The following MRPS9 variants were observed in gnomAD, a reference collection of about 807,000 sequenced individuals.
MRPS9 encodes small ribosomal subunit protein uS9m.
A neutral mutation model predicts 59.9 loss-of-function variants in MRPS9; 45 were observed. The observed-to-expected ratio is 0.75, with a 90% CI of 0.59 to 0.96. The LOEUF is 0.96. Ranked by LOEUF, MRPS9 falls within the 40% of genes least tolerant of loss-of-function variation. The pLI is 0.00. For missense variants in MRPS9, 473 were observed against 481.1 expected (o/e 0.98, Z 0.16); for synonymous variants, 171 against 166.8 (o/e 1.03, Z -0.19).
intron 9 of MRPS9, among the ~76,000 whole-genome samples, chr2:105,095,068 G>C (rs1051857833): frequency 6.6e-6 from 1 of 152,200 alleles, no homozygotes; most frequent in African/African-American, 2.4e-5. Flanking sequence ...CCTAGTCTTG[G>C]TGGGAATGGG....
intron 5 of MRPS9, among the ~76,000 whole-genome samples, chr2:105,088,459 TAAA>T (rs1477669662): frequency 6.6e-6 from 1 of 152,024 alleles, no homozygotes. Flanking sequence ...GGAAATCAAA[TAAA>T]AAATATAATA....
chr2:105,063,689 A>G (rs1287169916), intron 2 of MRPS9, among the ~76,000 whole-genome samples: 1 of 152,262 alleles, frequency 6.6e-6, no homozygotes, highest in Non-Finnish European at 1.5e-5. Context: ...TATCACATCT[A>G]AGAAAATTAA....
intron 2 of MRPS9, among the ~76,000 whole-genome samples, chr2:105,070,210 T>A (rs1463281990): frequency 6.6e-6 from 1 of 152,122 alleles, no homozygotes; most frequent in African/African-American, 2.4e-5. Flanking sequence ...CCTGGCCTCA[T>A]CCTCCCACAT....
chr2:105,081,873 C>T (rs1357999642), intron 5 of MRPS9, among the ~76,000 whole-genome samples: 4 of 152,144 alleles, frequency 2.6e-5, no homozygotes, highest in Non-Finnish European at 4.4e-5. Flanking sequence ...TTATGTATAG[C>T]AGGTGTCATT....
At chr2:105,098,959 G>A (rs1031476893) in intron 10 of MRPS9, among the ~76,000 whole-genome samples, 5 of 152,184 alleles carry the variant, frequency 3.3e-5, no homozygotes, top group African/African-American at 1.2e-4. Context: ...ATAGCTAAGA[G>A]TAACCCCAGC....
At chr2:105,048,364 A>T (rs1334947480) in intron 1 of MRPS9, among the ~76,000 whole-genome samples, 2 of 151,210 alleles carry the variant, frequency 1.3e-5, no homozygotes, top group African/African-American at 4.9e-5. Context: ...GGATGGGGGG[A>T]GGGGAGAGGG....
intron 5 of MRPS9, among the ~76,000 whole-genome samples, chr2:105,086,728 T>G (rs1329891589): frequency 6.6e-6 from 1 of 152,156 alleles, no homozygotes; most frequent in Non-Finnish European, 1.5e-5. Flanking sequence ...TGAGAGCTGT[T>G]TTTTAATTGT....
intron 4 of MRPS9, among the ~76,000 whole-genome samples, chr2:105,072,076 T>C (rs2104455048): frequency 6.6e-6 from 1 of 152,320 alleles, no homozygotes; most frequent in African/African-American, 2.4e-5. Flanking sequence ...ATATTTACTA[T>C]ACATTAGAAA....
At chr2:105,068,916 C>A (rs545106953) in intron 2 of MRPS9, among the ~76,000 whole-genome samples, 6 of 152,098 alleles carry the variant, frequency 3.9e-5, no homozygotes, top group Non-Finnish European at 8.8e-5. Flanking sequence ...TGCTTATGTT[C>A]TTTTGTATTC....
Position 105,099,907 on chromosome 2 carries a change from C to T in MRPS9, c.*146C>T. On this transcript the variant is annotated 3_prime_UTR_variant, in exon 11 of 11. Transcript: ENST00000258455. ...GAGATGGATTTATTTTTAAATGCTA[C>T]TTTGTAAAGGTGACCTTTAAAAAAT... is the stretch of plus-strand genomic sequence containing the variant. 1.8e-6 allele frequency: 1 copy of T among 559,196 alleles called. No homozygotes were observed. Among genetic ancestry groups the T allele is most frequent in the Admixed American group, 3.3e-5 (1 of 30,492 alleles). The allele number at this position is 559,196 out of a possible 1,614,324, so 34.6% of individuals were successfully genotyped here.
intron 4 of MRPS9, among the ~76,000 whole-genome samples, chr2:105,074,911 C>T (rs772101018): frequency 6.6e-6 from 1 of 152,062 alleles, no homozygotes; most frequent in Non-Finnish European, 1.5e-5. Context: ...ATGATTCAAG[C>T]TCATTACATT....
At chr2:105,092,332 C>CA (rs2104469084) in intron 7 of MRPS9, 69 bp from the exon 8 acceptor site, 1 of 1,419,762 alleles carries the variant, frequency 7.0e-7, no homozygotes, top group East Asian at 2.4e-5. Context: ...ATCAAGTATG[C>CA]AAAAAATAGA....
At position 105,071,313 on chromosome 2, in the gene MRPS9, AG is replaced by A; in HGVS notation, c.317del (p.Arg106LysfsTer19). On this transcript the variant is annotated frameshift_variant and splice_region_variant, in exon 3 of 11. Coordinates refer to ENST00000258455, the MANE Select transcript of MRPS9 (RefSeq NM_182640.3). LOFTEE classifies it high-confidence loss of function. ...AACTAACCTTTGTGTATATTTTCAG[AG>A]AGCTATTGCTTACCTTTTCCCAAGT... ...PETFTQEDID[R>X]AIAYLFPSGL... The A allele has an allele frequency of 6.2e-7, 1 of 1,608,998 alleles. No individual in the cohort carries two copies. The highest frequency in any genetic ancestry group is 1.1e-5 in the South Asian group (1 of 90,106).
Position 105,099,871 on chromosome 2 carries a change from C to A in MRPS9, c.*110C>A. On this transcript the variant is annotated 3_prime_UTR_variant, in exon 11 of 11. Transcript: ENST00000258455. ...ATGAGGGCAGTACTGTCAGAAATTT[C>A]TTTGAGCTGTGAGATGGATTTATTT... 1.3e-6 allele frequency: 1 copy of A among 787,962 alleles called. No homozygotes were observed. Among genetic ancestry groups the A allele is most frequent in the South Asian group, 2.5e-5 (1 of 40,628 alleles). 48.8% of individuals were successfully genotyped at this position (787,962 alleles called of 1,614,324 possible).
At chr2:105,055,712 C>T (rs1679780196) in intron 2 of MRPS9, among the ~76,000 whole-genome samples, 1 of 152,130 alleles carries the variant, frequency 6.6e-6, no homozygotes, top group Admixed American at 6.6e-5. Context: ...AAATTATATA[C>T]TCATATGGTT....
chr2:105,071,335 C>A lies in MRPS9; in HGVS notation c.338C>A (p.Pro113Gln). The change falls in exon 3 of 11, where the codon CCA (proline) becomes CAA (glutamine). Residue 113 changes from proline (P) to glutamine (Q), a missense_variant. By Grantham distance (76) the Pro-to-Gln change is moderately conservative (BLOSUM62 -1). Transcript: ENST00000258455. ...DIDRAIAYLF[P>Q]SGLFEKRARP... ...CAGAGAGCTATTGCTTACCTTTTCCCAAGTGGTTTGTTTGAGAAACGAGCC... is the reference window on the plus strand; with the variant it reads ...CAGAGAGCTATTGCTTACCTTTTCCAAAGTGGTTTGTTTGAGAAACGAGCC... 1 of 1,609,936 alleles carries A rather than the reference C, an allele frequency of 6.2e-7. No homozygotes were observed. Among genetic ancestry groups the A allele is most frequent in the Non-Finnish European group, 8.5e-7 (1 of 1,178,854 alleles).
intron 4 of MRPS9, among the ~76,000 whole-genome samples, chr2:105,074,408 AAAT>A (rs1015629908): frequency 2.0e-5 from 3 of 152,246 alleles, no homozygotes; most frequent in Admixed American, 6.5e-5. Flanking sequence ...TAAGAATTGT[AAAT>A]AATAATATTC....
Position 105,055,990 on chromosome 2 carries a change from A to G in MRPS9, c.315+6640A>G, listed in dbSNP as rs1346582384. ...AGACTAGGTGCAGTAGCTTTTCTCTAATTATTTAGTTTGATCAGGAAGTTA... is the reference window on the plus strand; with the variant it reads ...AGACTAGGTGCAGTAGCTTTTCTCTGATTATTTAGTTTGATCAGGAAGTTA... On this transcript the variant is annotated intron_variant, in intron 2 of 10. Coordinates refer to ENST00000258455, the MANE Select transcript of MRPS9 (RefSeq NM_182640.3). 3.3e-5 allele frequency among the ~76,000 whole-genome samples: 5 copies of G among 152,136 alleles called. No homozygotes were observed. The East Asian group carries it at 9.6e-4, about 29-fold the overall frequency.
intron 1 of MRPS9, among the ~76,000 whole-genome samples, chr2:105,044,347 A>T (rs972098620): frequency 6.6e-6 from 1 of 152,236 alleles, no homozygotes; most frequent in African/African-American, 2.4e-5. Flanking sequence ...GGATTGTACC[A>T]ATGAATAATG....
Sources: gnomAD v4.1 joint callset for allele counts (sites outside exome capture counted in the v4.1 genomes callset) on GRCh38, gnomAD v4.1.1 for gene constraint, MANE v1.5 for transcripts, NCBI Gene and HGNC (gene_info 2026-07-23, HGNC 2026-07-21) for gene names.